PCDHGB4: variants seen among roughly 807,000 people sequenced by gnomAD.
PCDHGB4 encodes the protein protocadherin gamma-B4.
Under a neutral mutation model 60.5 loss-of-function variants are expected in PCDHGB4, and 38 were observed. The ratio of observed to expected loss-of-function variants is 0.63; its 90% CI spans 0.48 to 0.82. The LOEUF (loss-of-function observed/expected upper bound fraction) is 0.82. Ranked by LOEUF, PCDHGB4 falls within the 40% of genes least tolerant of loss-of-function variation. The pLI is 0.00. For missense variants in PCDHGB4, 1,109 were observed against 1,209.6 expected, an observed-to-expected ratio of 0.92 and a Z score of 1.23; for synonymous variants, 456 against 509.7, an observed-to-expected ratio of 0.89 and a Z score of 1.42.
chr5:141,413,337 G>A, intron 1 of PCDHGB4: 1 of 1,613,978 alleles, frequency 6.2e-7, no homozygotes, highest in Non-Finnish European at 8.5e-7. Flanking sequence ...ACATCTCCAA[G>A]GACTTGGGTC....
chr5:141,494,927 G>A, intron 2 of PCDHGB4, 62 bp downstream of exon 2: 1 of 1,613,516 alleles, frequency 6.2e-7, no homozygotes, highest in Non-Finnish European at 8.5e-7. Flanking sequence ...GATGACGTGG[G>A]AGGAGATGGG....
intron 1 of PCDHGB4, chr5:141,430,922 G>A: frequency 1.2e-6 from 2 of 1,607,168 alleles, no homozygotes; most frequent in South Asian, 2.2e-5. Context: ...CCTGGGGCTG[G>A]AGCCCCGGGA....
At chr5:141,427,635 C>T in intron 1 of PCDHGB4, 1 of 706,280 alleles carries the variant, frequency 1.4e-6, no homozygotes, top group African/African-American at 1.7e-5. Context: ...TCCGGTTTTC[C>T]ACCAAGTCTC....
chr5:141,503,912 AAC>A lies in PCDHGB4; in HGVS notation c.2457-1471_2457-1470del, dbSNP rs34419983. Among the ~76,000 whole-genome samples, 284 of 152,278 alleles carry A rather than the reference AAC, an allele frequency of 1.9e-3. 1 individual carries two copies. The highest frequency in any genetic ancestry group is 0.014 in the Middle Eastern group (4 of 292). Reference sequence around the variant, plus strand: ...GACAAAATATGCACACACACAACGCAACACACACACAGACATTTTCATGCCTT... The same window carrying A: ...GACAAAATATGCACACACACAACGCAACACACACAGACATTTTCATGCCTT... On this transcript the variant is annotated intron_variant, in intron 2 of 3. Coordinates refer to ENST00000519479, the MANE Select transcript of PCDHGB4 (RefSeq NM_003736.4).
At chr5:141,403,226 C>T (rs1329726577) in intron 1 of PCDHGB4, 1 of 1,613,926 alleles carries the variant, frequency 6.2e-7, no homozygotes, top group South Asian at 1.1e-5. Flanking sequence ...TAGGATAGAC[C>T]GGGAGGAGCT....
intron 1 of PCDHGB4, among the ~76,000 whole-genome samples, chr5:141,463,911 T>C (rs749224024): frequency 6.6e-6 from 1 of 152,156 alleles, no homozygotes; most frequent in African/African-American, 2.4e-5. Context: ...TAATAATATA[T>C]CCTGGAAATC....
At chr5:141,496,808 G>A (rs1387209844) in intron 2 of PCDHGB4, among the ~76,000 whole-genome samples, 3 of 151,736 alleles carry the variant, frequency 2.0e-5, no homozygotes, top group South Asian at 4.2e-4. Flanking sequence ...GGCTATAGGA[G>A]TGAACAAGTA....
intron 1 of PCDHGB4, chr5:141,424,778 T>G (rs1009835492): frequency 1.3e-5 from 2 of 152,166 alleles, no homozygotes; most frequent in African/African-American, 4.8e-5. Flanking sequence ...AATAGTACAT[T>G]CAGTTCTTTT....
rs760676891 is a variant in PCDHGB4, at chr5:141,413,180, CCGCTCAAAGGAAT to C, written c.2397+22914_2397+22926del. The C allele has an allele frequency of 6.9e-5, 111 of 1,602,612 alleles. No individual in the cohort carries two copies. The East Asian group carries it at 9.6e-4, about 14-fold the overall frequency. ...GAATTCTGTAACCAGACTACAATGG[CCGCTCAAAGGAAT>C]CGCTCAAAGGAATCAAAGGATTGCA... On this transcript the variant is annotated intron_variant, in intron 1 of 3. Transcript: ENST00000519479.
At chr5:141,416,530 G>A (rs976560428) in intron 1 of PCDHGB4, 2 of 152,160 alleles carry the variant, frequency 1.3e-5, no homozygotes, top group Non-Finnish European at 2.9e-5. Flanking sequence ...GCTCTTTAAT[G>A]TATAAGGAGG....
In PCDHGB4 at chr5:141,482,160, T is replaced by C. The variant is rs577572891; in HGVS notation, c.2398-12647T>C. Reference sequence around the variant, plus strand: ...GCATAAAAAGGTCAAGTCAAAGATATGTAAGATTAAGGCTTTACGATGCTC... The same window carrying C: ...GCATAAAAAGGTCAAGTCAAAGATACGTAAGATTAAGGCTTTACGATGCTC... On this transcript the variant is annotated intron_variant, in intron 1 of 3. Coordinates refer to ENST00000519479, the MANE Select transcript of PCDHGB4 (RefSeq NM_003736.4). 1.6e-4 allele frequency among the ~76,000 whole-genome samples: 25 copies of C among 151,966 alleles called. No homozygotes were observed. In the South Asian group the frequency reaches 4.0e-3, roughly 24 times the overall value.
At chr5:141,446,039 A>G (rs1349676116) in intron 1 of PCDHGB4, among the ~76,000 whole-genome samples, 1 of 152,180 alleles carries the variant, frequency 6.6e-6, no homozygotes, top group African/African-American at 2.4e-5. Context: ...TAAGAAATGG[A>G]AGAAGAGCTG....
intron 2 of PCDHGB4, among the ~76,000 whole-genome samples, chr5:141,505,069 G>A (rs2099843308): frequency 2.0e-5 from 3 of 152,340 alleles, no homozygotes; most frequent in East Asian, 1.9e-4. Flanking sequence ...GACTGAGGCA[G>A]GAGAATCGCT....
chr5:141,497,148 A>G (rs1436451953), intron 2 of PCDHGB4, among the ~76,000 whole-genome samples: 1 of 152,122 alleles, frequency 6.6e-6, no homozygotes, highest in Non-Finnish European at 1.5e-5. Context: ...ATCACGAAAA[A>G]AAAATAATCT....
At position 141,387,756 on chromosome 5, in the gene PCDHGB4, A is replaced by G; in HGVS notation, c.-129A>G. On this transcript the variant is annotated 5_prime_UTR_variant, in exon 1 of 4. Coordinates refer to ENST00000519479, the MANE Select transcript of PCDHGB4 (RefSeq NM_003736.4). The stretch of plus-strand genomic sequence containing the variant: ...CCTTTACACCGCTTCCTCCTCGGAA[A>G]AAGAAGAATTTTTTCTTGAACTGGA... The G allele has an allele frequency of 7.1e-7, 1 of 1,413,288 alleles. No homozygotes were observed. Among genetic ancestry groups the G allele is most frequent in the Non-Finnish European group, 9.4e-7 (1 of 1,062,462 alleles). The allele number at this position is 1,413,288 out of a possible 1,614,324, so 87.5% of individuals were successfully genotyped here.
intron 1 of PCDHGB4, among the ~76,000 whole-genome samples, chr5:141,455,419 G>A (rs1462099602): frequency 6.6e-6 from 1 of 152,124 alleles, no homozygotes; most frequent in Non-Finnish European, 1.5e-5. Context: ...AGGGAGCGGG[G>A]CTCCAAAAGA....
intron 1 of PCDHGB4, among the ~76,000 whole-genome samples, chr5:141,407,232 A>G (rs2094902362): frequency 6.6e-6 from 1 of 152,242 alleles, no homozygotes; most frequent in African/African-American, 2.4e-5. Flanking sequence ...CAAAAAAAAT[A>G]AAGCATACTT....
chr5:141,423,755 G>GGGA, intron 1 of PCDHGB4: 3 of 512,508 alleles, frequency 5.9e-6, no homozygotes, highest in Non-Finnish European at 7.8e-6. Flanking sequence ...CTGTTTGGGG[G>GGGA]GGGGGTGGGG....
chr5:141,394,472 G>C, intron 1 of PCDHGB4: 2 of 1,614,242 alleles, frequency 1.2e-6, no homozygotes, highest in East Asian at 2.2e-5. Flanking sequence ...TGTTCGTGCT[G>C]GACCAGAATG....
Sources: allele counts gnomAD v4.1 joint callset (sites outside exome capture counted in the v4.1 genomes callset), GRCh38; gene constraint gnomAD v4.1.1; transcripts MANE v1.5; gene names NCBI Gene and HGNC (gene_info 2026-07-23, HGNC 2026-07-21).